Variants in DOCK8 observed in about 807,000 individuals in gnomAD.
The protein encoded by DOCK8 is dedicator of cytokinesis 8, also known as dedicator of cytokinesis protein 8.
Under a neutral mutation model 245.6 loss-of-function variants are expected in DOCK8, and 141 were observed. The observed-to-expected ratio is 0.57, with a 90% CI of 0.50 to 0.66. DOCK8 has a LOEUF of 0.66. DOCK8 is among the 30% of genes least tolerant of loss of function. The pLI, the probability that DOCK8 is intolerant of heterozygous loss-of-function variation, is 0.00. For synonymous variants in DOCK8, 1,168 were observed against 970.2 expected, an observed-to-expected ratio of 1.20 and a Z score of -3.79; for missense variants, 2,965 against 2,603.4, an observed-to-expected ratio of 1.14 and a Z score of -3.02.
chr9:217,450 A>G lies in DOCK8; in HGVS notation c.53+2421A>G, dbSNP rs192866590. On this transcript the variant is annotated intron_variant, in intron 1 of 47. Coordinates refer to ENST00000432829, the MANE Select transcript of DOCK8 (RefSeq NM_203447.4). Reference sequence around the variant, plus strand: ...GTGCTGAGAACCCAAAACACATTCAATGGAAGAAAATATGTGATGAAATCT... The same window carrying G: ...GTGCTGAGAACCCAAAACACATTCAGTGGAAGAAAATATGTGATGAAATCT... Among the ~76,000 whole-genome samples the G allele has an allele frequency of 3.4e-4, 52 of 152,320 alleles. No individual in the cohort carries two copies. In the East Asian group the frequency reaches 8.7e-3, roughly 25 times the overall value.
intron 28 of DOCK8, among the ~76,000 whole-genome samples, chr9:410,417 A>T (rs1182789073): frequency 6.6e-6 from 1 of 151,910 alleles, no homozygotes; most frequent in African/African-American, 2.4e-5. Context: ...TGTATGTCAT[A>T]TTCCTTTGTC....
At position 334,344 on chromosome 9, in the gene DOCK8, C is replaced by T. The variant is rs1476530240; in HGVS notation, c.1245C>T (p.Ser415=). Residue 415 remains serine, a synonymous_variant, in exon 11 of 48, where the codon TCC becomes TCT. Transcript: ENST00000432829. ...GCTTATCAAGCTTCTTCAATGTCTC[C>T]ACCCTTGAGAGGGAGGTAACTGATG... The part of the protein sequence containing the change: ...PISLSSFFNV[S]TLEREVTDVD... The T allele has an allele frequency of 6.2e-7, 1 of 1,614,172 alleles. No homozygotes were observed.
intron 45 of DOCK8, 123 bp from the exon 46 acceptor site, chr9:451,888 T>TATATGCATATACATATAC (rs1275195314): frequency 8.8e-6 from 2 of 227,368 alleles, no homozygotes; most frequent in Non-Finnish European, 1.5e-5. Flanking sequence ...TATATACATA[T>TATATGCATATACATATAC]ATATGCATAT....
chr9:233,026 G>C (rs1186011467), intron 1 of DOCK8, among the ~76,000 whole-genome samples: 2 of 152,006 alleles, frequency 1.3e-5, no homozygotes, highest in African/African-American at 4.8e-5. Context: ...TTTCTCTTGT[G>C]GGCATTTAGT....
intron 24 of DOCK8, among the ~76,000 whole-genome samples, chr9:395,458 T>C (rs1191141897): frequency 6.6e-6 from 1 of 152,198 alleles, no homozygotes; most frequent in Non-Finnish European, 1.5e-5. Context: ...ATGTAGCTCC[T>C]GGGAGTGGAA....
Position 352,740 on chromosome 9 carries a change from C to A in DOCK8, c.1679+12419C>A, listed in dbSNP as rs1482835092. 1.3e-3 allele frequency among the ~76,000 whole-genome samples: 190 copies of A among 141,396 alleles called. 1 individual carries two copies. Among genetic ancestry groups the A allele is most frequent in the South Asian group, 1.4e-3 (6 of 4,272 alleles). 92.8% of individuals were successfully genotyped at this position (141,396 alleles called of 152,430 possible). On this transcript the variant is annotated intron_variant, in intron 14 of 47. Coordinates refer to ENST00000432829, the MANE Select transcript of DOCK8 (RefSeq NM_203447.4). Reference sequence around the variant, plus strand: ...CCAGTGACAGTGTGAGACTCTGTCTCAAAAAAAAAGTGCCGATACTTTATA... The same window carrying A: ...CCAGTGACAGTGTGAGACTCTGTCTAAAAAAAAAAGTGCCGATACTTTATA...
At chr9:336,185 C>T (rs1458796170) in intron 11 of DOCK8, among the ~76,000 whole-genome samples, 2 of 152,174 alleles carry the variant, frequency 1.3e-5, no homozygotes, top group African/African-American at 4.8e-5. Flanking sequence ...CAAATGCCTT[C>T]AGGGGCATTT....
intron 1 of DOCK8, among the ~76,000 whole-genome samples, chr9:259,416 A>G (rs948803651): frequency 6.6e-6 from 1 of 152,220 alleles, no homozygotes; most frequent in South Asian, 2.1e-4. Context: ...CAAATAATGT[A>G]CTTAGATTTA....
At chr9:450,721 A>T (rs1587096081) in intron 45 of DOCK8, among the ~76,000 whole-genome samples, 1 of 151,926 alleles carries the variant, frequency 6.6e-6, no homozygotes, top group East Asian at 1.9e-4. Context: ...CATTCCCAAG[A>T]TCAGGAAAAA....
chr9:443,086 G>T (rs1001296317), intron 42 of DOCK8, among the ~76,000 whole-genome samples: 1 of 152,174 alleles, frequency 6.6e-6, no homozygotes, highest in Admixed American at 6.5e-5. Flanking sequence ...ACTGTGATTT[G>T]CCACAATATG....
chr9:459,724 T>G (rs756749979), intron 46 of DOCK8: 10 of 152,238 alleles, frequency 6.6e-5, no homozygotes, highest in Non-Finnish European at 1.3e-4. Context: ...ACCTGAATGC[T>G]TCCTCACTCA....
intron 1 of DOCK8, among the ~76,000 whole-genome samples, chr9:261,707 G>A (rs501041): frequency 0.55 from 82,600 of 151,450 alleles, 22,967 homozygotes; most frequent in East Asian, 0.8. Context: ...AACTTTTATT[G>A]TAGTTGTGGA....
Position 441,872 on chromosome 9 carries a change from C to A in DOCK8, c.5356-3C>A. ...GGAGAGCTTTTTATATTTTGTTCCT[C>A]AGGATCATAAGAGAATGTTTGGAAC... On this transcript the variant is annotated splice_polypyrimidine_tract_variant and splice_region_variant and intron_variant, in intron 41 of 47. Coordinates refer to ENST00000432829, the MANE Select transcript of DOCK8 (RefSeq NM_203447.4). 1 of 1,614,126 alleles carries A rather than the reference C, an allele frequency of 6.2e-7. No homozygotes were observed. Among genetic ancestry groups the A allele is most frequent in the African/African-American group, 1.3e-5 (1 of 75,034 alleles).
At chr9:252,379 A>G (rs1587666681) in intron 1 of DOCK8, among the ~76,000 whole-genome samples, 1 of 152,298 alleles carries the variant, frequency 6.6e-6, no homozygotes, top group Middle Eastern at 3.4e-3. Flanking sequence ...AATTTGCCCA[A>G]GATCACACAA....
upstream of DOCK8, among the ~76,000 whole-genome samples, chr9:211,710 G>C (rs147737923): frequency 1.8e-3 from 268 of 152,236 alleles, no homozygotes; most frequent in African/African-American, 6.0e-3. Context: ...AGTTCAGAGA[G>C]AGGCAAGCAG....
chr9:376,325 A>T lies in DOCK8; in HGVS notation c.2205+20A>T. On this transcript the variant is annotated intron_variant, in intron 19 of 47. Coordinates refer to ENST00000432829, the MANE Select transcript of DOCK8 (RefSeq NM_203447.4). ...ACCCAGGTAAGGAATGTCAAGGTTA[A>T]TCATGAAGGTAAAGGTGCAGCGGAG... 1 of 1,547,826 alleles carries T rather than the reference A, an allele frequency of 6.5e-7. No homozygotes were observed.
intron 1 of DOCK8, among the ~76,000 whole-genome samples, chr9:255,787 T>C (rs998906279): frequency 2.0e-5 from 3 of 152,006 alleles, no homozygotes; most frequent in African/African-American, 7.3e-5. Flanking sequence ...TACTCATTGA[T>C]GTAAATTTTG....
chr9:454,121 C>T (rs1009937908), intron 46 of DOCK8, among the ~76,000 whole-genome samples: 4 of 152,082 alleles, frequency 2.6e-5, no homozygotes, highest in Admixed American at 2.6e-4. Context: ...TTGTGGGAGG[C>T]GTTATGGAAA....
upstream of DOCK8, chr9:214,610 T>A: frequency 6.2e-7 from 1 of 1,613,810 alleles, no homozygotes; most frequent in South Asian, 1.1e-5. Flanking sequence ...AGATGGAGCT[T>A]CCGGCCTGCG....
Sources: gnomAD v4.1 joint callset for allele counts (sites outside exome capture counted in the v4.1 genomes callset) on GRCh38, gnomAD v4.1.1 for gene constraint, MANE v1.5 for transcripts, NCBI Gene and HGNC (gene_info 2026-07-23, HGNC 2026-07-21) for gene names.